Variants in CSMD3 observed in about 807,000 individuals in gnomAD.
CSMD3 encodes the protein CUB and sushi domain-containing protein 3.
A neutral mutation model predicts 435.2 loss-of-function variants in CSMD3; 177 were observed. That is an observed-to-expected ratio of 0.41 (90% CI 0.36 to 0.46). CSMD3 has a LOEUF of 0.46. CSMD3 is among the 20% of genes least tolerant of loss of function. The pLI is 0.34. For missense variants in CSMD3, 4,265 were observed against 4,504.6 expected, an observed-to-expected ratio of 0.95 and a Z score of 1.52; for synonymous variants, 1,656 against 1,520.5, an observed-to-expected ratio of 1.09 and a Z score of -2.07.
intron 4 of CSMD3, among the ~76,000 whole-genome samples, chr8:113,118,599 T>C (rs915791510): frequency 1.4e-5 from 2 of 146,014 alleles, no homozygotes; most frequent in African/African-American, 5.5e-5. Context: ...TAGGTCGAGG[T>C]TGCAGTGATC....
chr8:113,059,230 C>A lies in CSMD3; in HGVS notation c.917+39526G>T, dbSNP rs577925173. Among the ~76,000 whole-genome samples, 7 of 152,160 alleles carry A rather than the reference C, an allele frequency of 4.6e-5. No individual in the cohort carries two copies. The East Asian group carries it at 1.4e-3, about 29-fold the overall frequency. ...TTTGTGTAAGTTAGATTATATAACCCAAAACATACATTCCCATCACTGCAT... is the reference window on the plus strand; with the variant it reads ...TTTGTGTAAGTTAGATTATATAACCAAAAACATACATTCCCATCACTGCAT... On this transcript the variant is annotated intron_variant, in intron 5 of 70. Transcript: ENST00000297405.
chr8:112,568,054 G>A (rs943872211), intron 24 of CSMD3, among the ~76,000 whole-genome samples: 1 of 152,156 alleles, frequency 6.6e-6, no homozygotes, highest in African/African-American at 2.4e-5. Context: ...ACTCAATAAG[G>A]GAGTTGGATT....
At chr8:113,144,507 T>C (rs2091625687) in intron 4 of CSMD3, among the ~76,000 whole-genome samples, 3 of 151,736 alleles carry the variant, frequency 2.0e-5, no homozygotes, top group African/African-American at 4.8e-5. Context: ...CTGTTTCTCA[T>C]ATTTCCGGAA....
At chr8:112,333,124 C>A (rs944323998) in intron 45 of CSMD3, among the ~76,000 whole-genome samples, 1 of 152,056 alleles carries the variant, frequency 6.6e-6, no homozygotes, top group Non-Finnish European at 1.5e-5. Flanking sequence ...AATAGAAAAT[C>A]AAGGGTTAAA....
intron 18 of CSMD3, among the ~76,000 whole-genome samples, chr8:112,654,937 A>T (rs1231012502): frequency 2.0e-5 from 3 of 152,220 alleles, no homozygotes. Context: ...TTTAGTAAAT[A>T]CATGTTAGAC....
intron 6 of CSMD3, among the ~76,000 whole-genome samples, chr8:112,993,130 C>T (rs1193529651): frequency 6.6e-6 from 1 of 151,478 alleles, no homozygotes; most frequent in East Asian, 1.9e-4. Context: ...ATGAGTACTG[C>T]GATTTAAAAA....
At chr8:113,288,822 C>A (rs2093664205) in intron 2 of CSMD3, among the ~76,000 whole-genome samples, 2 of 151,600 alleles carry the variant, frequency 1.3e-5, no homozygotes, top group Non-Finnish European at 3.0e-5. Flanking sequence ...CTACTTTATT[C>A]CAAAAAACTA....
At chr8:112,359,647 TAAAAG>T (rs1826989126) in intron 38 of CSMD3, among the ~76,000 whole-genome samples, 1 of 152,084 alleles carries the variant, frequency 6.6e-6, no homozygotes, top group Non-Finnish European at 1.5e-5. Flanking sequence ...GAAAATGCCA[TAAAAG>T]CAGTGACTTG....
intron 13 of CSMD3, among the ~76,000 whole-genome samples, chr8:112,714,968 A>G (rs2076692031): frequency 6.6e-6 from 1 of 152,182 alleles, no homozygotes; most frequent in Non-Finnish European, 1.5e-5. Context: ...CACATCAGAA[A>G]GCTAGAAAGA....
At chr8:112,990,588 A>G (rs759791510) in intron 6 of CSMD3, among the ~76,000 whole-genome samples, 4 of 151,978 alleles carry the variant, frequency 2.6e-5, no homozygotes, top group Non-Finnish European at 5.9e-5. Flanking sequence ...TGAAAAGAAA[A>G]TAAGTAAATA....
At chr8:112,410,805 T>C (rs1811248158) in intron 32 of CSMD3, among the ~76,000 whole-genome samples, 1 of 148,628 alleles carries the variant, frequency 6.7e-6, no homozygotes, top group Non-Finnish European at 1.5e-5. Context: ...AAGAAGTTTC[T>C]ATTATATAAA....
At chr8:112,934,109 C>A (rs1564121317) in intron 9 of CSMD3, among the ~76,000 whole-genome samples, 1 of 151,994 alleles carries the variant, frequency 6.6e-6, no homozygotes, top group Admixed American at 6.6e-5. Context: ...AGGAAGAACA[C>A]ACTAGGATAA....
intron 70 of CSMD3, among the ~76,000 whole-genome samples, chr8:112,226,621 A>G (rs1772994418): frequency 6.6e-6 from 1 of 152,222 alleles, no homozygotes; most frequent in African/African-American, 2.4e-5. Flanking sequence ...GTGAAAATAC[A>G]ACCCACGGAA....
At chr8:112,531,804 C>A (rs1018028064) in intron 27 of CSMD3, among the ~76,000 whole-genome samples, 3 of 152,008 alleles carry the variant, frequency 2.0e-5, no homozygotes, top group Non-Finnish European at 2.9e-5. Context: ...CTCTGAAATG[C>A]CCAGACATTG....
At chr8:113,049,837 G>A (rs1189692788) in intron 5 of CSMD3, among the ~76,000 whole-genome samples, 2 of 152,100 alleles carry the variant, frequency 1.3e-5, no homozygotes, top group Admixed American at 1.3e-4. Context: ...TTACATGGGT[G>A]TATGCTATCC....
Position 113,217,887 on chromosome 8 carries a change from A to G in CSMD3, c.515-43971T>C, listed in dbSNP as rs1298992647. Among the ~76,000 whole-genome samples the G allele has an allele frequency of 2.6e-5, 4 of 151,480 alleles. No individual in the cohort carries two copies. In the East Asian group the frequency reaches 7.8e-4, roughly 30 times the overall value. ...TTAGTAAACCTCCAATAGGATGAAA[A>G]AAACACCCATAGGCACATCATAGGA... On this transcript the variant is annotated intron_variant, in intron 3 of 70. Transcript: ENST00000297405.
intron 5 of CSMD3, among the ~76,000 whole-genome samples, chr8:113,087,317 A>T (rs1019902506): frequency 4.0e-5 from 6 of 151,828 alleles, no homozygotes; most frequent in African/African-American, 1.2e-4. Context: ...CATCCCCATC[A>T]AGCTACCAAT....
intron 4 of CSMD3, among the ~76,000 whole-genome samples, chr8:113,159,426 T>C (rs2131827013): frequency 6.6e-6 from 1 of 152,086 alleles, no homozygotes. Context: ...TTTCTTTTTT[T>C]CTAAAATAGC....
chr8:112,239,161 G>A (rs752269558), intron 66 of CSMD3, among the ~76,000 whole-genome samples: 10 of 152,034 alleles, frequency 6.6e-5, no homozygotes, highest in African/African-American at 2.2e-4. Context: ...ATTTCTGTAC[G>A]TCACTTCCCT....
Sources: allele counts gnomAD v4.1 joint callset (sites outside exome capture counted in the v4.1 genomes callset), GRCh38; gene constraint gnomAD v4.1.1; transcripts MANE v1.5; gene names NCBI Gene and HGNC (gene_info 2026-07-23, HGNC 2026-07-21).